Variants in CDC25B observed in about 807,000 individuals in gnomAD.
The protein encoded by CDC25B is cell division cycle 25B.
Under a neutral mutation model 69.8 loss-of-function variants are expected in CDC25B, and 33 were observed. That is an observed-to-expected ratio of 0.47 (90% CI 0.36 to 0.63). The LOEUF (loss-of-function observed/expected upper bound fraction) is 0.63, where lower values mean the gene tolerates loss of function less well. Ranked by LOEUF, CDC25B falls within the 30% of genes least tolerant of loss-of-function variation. The pLI is 0.00. For missense variants in CDC25B, 727 were observed against 809.1 expected (o/e 0.90, Z 1.23); for synonymous variants, 341 against 314.6 (o/e 1.08, Z -0.89).
chr20:3,800,795 C>T lies in CDC25B; in HGVS notation c.512C>T (p.Ala171Val), dbSNP rs373068861. The change falls in exon 6 of 16, where the codon GCG (alanine) becomes GTG (valine). Residue 171 changes from alanine to valine, a missense_variant. Transcript: ENST00000245960. ...PVLRNITNSQ[A>V]PDGRRKSEAG... Reference sequence around the variant, plus strand: ...CTTCGGAACATCACCAACTCCCAGGCGCCCGACGGCCGGAGGAAGAGCGAG... The same window carrying T: ...CTTCGGAACATCACCAACTCCCAGGTGCCCGACGGCCGGAGGAAGAGCGAG... The T allele has an allele frequency of 1.7e-5, 27 of 1,612,440 alleles. No individual in the cohort carries two copies. Among genetic ancestry groups the T allele is most frequent in the Middle Eastern group, 1.6e-4 (1 of 6,080 alleles).
upstream of CDC25B, among the ~76,000 whole-genome samples, chr20:3,793,961 G>A (rs2088963327): frequency 6.8e-6 from 1 of 148,138 alleles, no homozygotes; most frequent in Admixed American, 6.7e-5. Flanking sequence ...GTATTCCATG[G>A]TGTATATGTG....
At chr20:3,795,998 CG>C, upstream of CDC25B, 1 of 989,784 alleles carries the variant, frequency 1.0e-6, no homozygotes, top group South Asian at 4.5e-5. Flanking sequence ...CGACATGCCG[CG>C]GGGGGTCCTG....
chr20:3,803,357 T>C lies in CDC25B; in HGVS notation c.1357-47T>C, dbSNP rs757222538. ...GACAGCGACTGCACGGGGAGGGCCC[T>C]GACTCCTGGACCCGGGGCTGTGCCT... On this transcript the variant is annotated intron_variant, in intron 13 of 15. Coordinates refer to ENST00000245960, the MANE Select transcript of CDC25B (RefSeq NM_021873.4). This position sits in a 1 kb window ranked among gnomAD's most constrained non-coding sequence, Gnocchi z 4.9. The C allele has an allele frequency of 5.6e-6, 9 of 1,613,202 alleles. No individual in the cohort carries two copies. In the South Asian group the frequency reaches 9.9e-5, roughly 18 times the overall value.
upstream of CDC25B, chr20:3,796,222 C>A: frequency 8.0e-7 from 1 of 1,255,088 alleles, no homozygotes; most frequent in Non-Finnish European, 1.0e-6. Flanking sequence ...CCGCCCTCAT[C>A]TAACCCGCTA....
In CDC25B at chr20:3,805,139, C is replaced by G. The variant is rs1038035218; in HGVS notation, c.*178C>G. ...TTCCCCTGTGTCATCCCATCATTTTCCATATCCTGGTGCCCCCCACCCCTG... is the reference window on the plus strand; with the variant it reads ...TTCCCCTGTGTCATCCCATCATTTTGCATATCCTGGTGCCCCCCACCCCTG... On this transcript the variant is annotated 3_prime_UTR_variant, in exon 16 of 16. Transcript: ENST00000245960. 1.5e-6 allele frequency: 1 copy of G among 657,154 alleles called. No homozygotes were observed. Among genetic ancestry groups the G allele is most frequent in the Non-Finnish European group, 2.6e-6 (1 of 391,258 alleles). The allele number at this position is 657,154 out of a possible 1,614,324, so 40.7% of individuals were successfully genotyped here.
chr20:3,786,973 G>C, exon 1 of CDC25B: 4 of 534,256 alleles, frequency 7.5e-6, no homozygotes, highest in Non-Finnish European at 1.3e-5. Flanking sequence ...CATCGCTACT[G>C]CGCCCGGCGG....
At position 3,801,951 on chromosome 20, in the gene CDC25B, C is replaced by T. The variant is rs536184837; in HGVS notation, c.949C>T (p.Arg317Trp). 15 of 1,611,948 alleles carry T rather than the reference C, an allele frequency of 9.3e-6. No individual in the cohort carries two copies. Among genetic ancestry groups the T allele is most frequent in the East Asian group, 2.2e-5 (1 of 44,832 alleles). The change falls in exon 10 of 16, where the codon CGG (arginine) becomes TGG (tryptophan). Residue 317 changes from arginine to tryptophan, a missense_variant. Physicochemically the swap from Arg to Trp is moderately radical, Grantham distance 101. Coordinates refer to ENST00000245960, the MANE Select transcript of CDC25B (RefSeq NM_021873.4). ...KDLVMYSKCQ[R>W]LFRSPSMPCS... ...CCTCGTCATGTACAGCAAGTGCCAG[C>T]GGCTCTTCCGCTCTCCGTCCATGCC...
rs2089461860 is a variant in CDC25B, at chr20:3,805,995, AC to A, written c.*1036del. 5.0e-6 allele frequency: 2 copies of A among 399,432 alleles called. No individual in the cohort carries two copies. The highest frequency in any genetic ancestry group is 4.4e-5 in the Admixed American group (1 of 22,708). 24.7% of individuals were successfully genotyped at this position (399,432 alleles called of 1,614,324 possible). A position where few individuals can be genotyped will look rare whatever the true frequency, so the allele number is the denominator to read the frequency against. ...GAGGAAATGTCACAGAAGCAGCTAA[AC>A]CAAGGACTGAGCACCCTCTGGATTC... On this transcript the variant is annotated 3_prime_UTR_variant, in exon 16 of 16. Coordinates refer to ENST00000245960, the MANE Select transcript of CDC25B (RefSeq NM_021873.4).
At chr20:3,804,737 G>C in intron 15 of CDC25B, 57 bp downstream of exon 15, 2 of 1,471,126 alleles carry the variant, frequency 1.4e-6, no homozygotes, top group East Asian at 2.5e-5. Context: ...GGCCAGGCTG[G>C]AGCCATGGGA....
At chr20:3,797,480 A>AG in intron 1 of CDC25B, 142 bp from the exon 2 acceptor site, 4 of 1,059,502 alleles carry the variant, frequency 3.8e-6, no homozygotes, top group Middle Eastern at 2.1e-4. Flanking sequence ...ACCTGAGAAG[A>AG]GGGGGCCCTC....
chr20:3,799,533 C>T (rs906827742), intron 3 of CDC25B, among the ~76,000 whole-genome samples: 7 of 149,746 alleles, frequency 4.7e-5, no homozygotes, highest in South Asian at 2.1e-4. Context: ...TGTGCGCGCG[C>T]GCGCGTAGAT....
chr20:3,800,445 C>T lies in CDC25B; in HGVS notation c.423-17C>T, dbSNP rs868003275. ...CTGCCTCTCCCAGCTCTCACCTGTC[C>T]CCATTTCCTCCTGTAGCGAGCAGTT... is the stretch of plus-strand genomic sequence containing the variant. On this transcript the variant is annotated splice_polypyrimidine_tract_variant and intron_variant, in intron 4 of 15. Coordinates refer to ENST00000245960, the MANE Select transcript of CDC25B (RefSeq NM_021873.4). 1 of 1,614,154 alleles carries T rather than the reference C, an allele frequency of 6.2e-7. No individual in the cohort carries two copies. Among genetic ancestry groups the T allele is most frequent in the Non-Finnish European group, 8.5e-7 (1 of 1,179,992 alleles).
intron 11 of CDC25B, chr20:3,802,619 C>T: frequency 1.7e-6 from 1 of 599,828 alleles, no homozygotes; most frequent in Non-Finnish European, 3.0e-6. Flanking sequence ...AAGCTCATAC[C>T]TAGCTTGGAA....
At chr20:3,792,332 T>C (rs762524233), upstream of CDC25B, among the ~76,000 whole-genome samples, 20 of 150,950 alleles carry the variant, frequency 1.3e-4, no homozygotes, top group Non-Finnish European at 2.4e-4. Flanking sequence ...ATTTATTTAT[T>C]TTATGTTTAG....
chr20:3,796,742 C>T lies in CDC25B; in HGVS notation c.200+11C>T. On this transcript the variant is annotated intron_variant, in intron 1 of 15. Transcript: ENST00000245960. ...CGCCGGGCTCGGCAGGTAGGACACC[C>T]CAAGGAGGCTGCATATGGGGGTGAG... 6.4e-7 allele frequency: 1 copy of T among 1,558,698 alleles called. No individual in the cohort carries two copies. Among genetic ancestry groups the T allele is most frequent in the Non-Finnish European group, 8.6e-7 (1 of 1,161,644 alleles).
chr20:3,802,759 T>C (rs1198100236), intron 11 of CDC25B, 151 bp from the exon 12 acceptor site: 62 of 660,536 alleles, frequency 9.4e-5, no homozygotes, highest in Non-Finnish European at 2.2e-5. Context: ...ACCCAAGAGG[T>C]GCCTCTCAGT....
Position 3,801,753 on chromosome 20 carries a change from G to A in CDC25B, c.872G>A (p.Ser291Asn), listed in dbSNP as rs1816361231. Residue 291 changes from serine to asparagine, a missense_variant, in exon 9 of 16, where the codon AGT (serine) becomes AAT (asparagine). Ser to Asn is a conservative substitution (Grantham distance 46). This residue lies in a region of CDC25B where 359 missense variants were observed against 463.4 expected (regional missense o/e 0.77). Coordinates refer to ENST00000245960, the MANE Select transcript of CDC25B (RefSeq NM_021873.4). ...DDDAVPPGME[S>N]LISAPLVKTL... ...GATGCAGTTCCCCCAGGCATGGAGAGTCTCATTAGTGCCCCACTGGTCAAG... is the reference window on the plus strand; with the variant it reads ...GATGCAGTTCCCCCAGGCATGGAGAATCTCATTAGTGCCCCACTGGTCAAG... 1 of 1,608,132 alleles carries A rather than the reference G, an allele frequency of 6.2e-7. No homozygotes were observed. Among genetic ancestry groups the A allele is most frequent in the African/African-American group, 1.3e-5 (1 of 74,692 alleles).
Position 3,803,322 on chromosome 20 carries a change from C to A in CDC25B, c.1357-82C>A. ...CCCCCTCTCATGGGGAGGGTTCCTACTAAGAGAAGGACAGCGACTGCACGG... is the reference window on the plus strand; with the variant it reads ...CCCCCTCTCATGGGGAGGGTTCCTAATAAGAGAAGGACAGCGACTGCACGG... On this transcript the variant is annotated intron_variant, in intron 13 of 15. Coordinates refer to ENST00000245960, the MANE Select transcript of CDC25B (RefSeq NM_021873.4). This position sits in a 1 kb window ranked among gnomAD's most constrained non-coding sequence, Gnocchi z 4.9. 1 of 1,601,242 alleles carries A rather than the reference C, an allele frequency of 6.2e-7. No homozygotes were observed. The highest frequency in any genetic ancestry group is 8.5e-7 in the Non-Finnish European group (1 of 1,170,666).
intron 2 of CDC25B, 93 bp downstream of exon 2, chr20:3,797,842 A>ACC: frequency 2.0e-6 from 3 of 1,487,180 alleles, no homozygotes; most frequent in Non-Finnish European, 1.8e-6. Context: ...GATCAAACTA[A>ACC]CATCCTCCCC....
Sources: allele counts gnomAD v4.1 joint callset (sites outside exome capture counted in the v4.1 genomes callset), GRCh38; gene constraint gnomAD v4.1.1; regional missense constraint gnomAD v4.1.1; non-coding constraint Gnocchi (gnomAD v3.1); transcripts MANE v1.5; gene names NCBI Gene and HGNC (gene_info 2026-07-23, HGNC 2026-07-21).